POU2F1: variants seen among roughly 807,000 people sequenced by gnomAD.
POU2F1 encodes POU class 2 homeobox 1.
Under a neutral mutation model 84.9 loss-of-function variants are expected in POU2F1, and 16 were observed. That is an observed-to-expected ratio of 0.19 (90% confidence interval 0.13 to 0.29). POU2F1 has a LOEUF of 0.29. Among genes scored for constraint, POU2F1 ranks in the 10% least tolerant of loss-of-function variants. POU2F1 has a pLI of 1.00. For missense variants in POU2F1, 738 were observed against 942.6 expected, an observed-to-expected ratio of 0.78 and a Z score of 2.84; for synonymous variants, 368 against 368.3, an observed-to-expected ratio of 1.00 and a Z score of 0.01.
At chr1:167,407,044 A>G (rs1445378367) in intron 13 of POU2F1, among the ~76,000 whole-genome samples, 1 of 34,284 alleles carries the variant, frequency 2.9e-5, no homozygotes, top group Non-Finnish European at 1.4e-4. Context: ...ATATTTTATT[A>G]TTATTATTAT....
intron 6 of POU2F1, 78 bp from the exon 7 acceptor site, chr1:167,375,951 T>C (rs1660297211): frequency 6.6e-7 from 1 of 1,508,674 alleles, no homozygotes; most frequent in African/African-American, 1.4e-5. Context: ...GTGACAGAAG[T>C]CATCAGCTGG....
At chr1:167,243,163 T>C (rs2102378639) in intron 1 of POU2F1, among the ~76,000 whole-genome samples, 1 of 152,366 alleles carries the variant, frequency 6.6e-6, no homozygotes, top group African/African-American at 2.4e-5. Context: ...TTAAGAATAC[T>C]GGCCTAGGAA....
chr1:167,310,145 A>G (rs1204206609), intron 1 of POU2F1, among the ~76,000 whole-genome samples: 5 of 152,182 alleles, frequency 3.3e-5, no homozygotes, highest in Non-Finnish European at 7.4e-5. Context: ...CAAAATATAA[A>G]TAGCAAATAT....
chr1:167,361,476 A>G (rs1046348072), intron 2 of POU2F1, among the ~76,000 whole-genome samples: 1 of 152,154 alleles, frequency 6.6e-6, no homozygotes, highest in South Asian at 2.1e-4. Context: ...TTAATCACGT[A>G]CTGATTTGTA....
chr1:167,301,172 A>G (rs1654675687), intron 1 of POU2F1, among the ~76,000 whole-genome samples: 1 of 148,998 alleles, frequency 6.7e-6, no homozygotes, highest in South Asian at 2.1e-4. Context: ...TAGACTTTAT[A>G]TTGGTTCTCT....
intron 13 of POU2F1, among the ~76,000 whole-genome samples, chr1:167,406,236 C>G (rs568360710): frequency 2.0e-5 from 3 of 152,074 alleles, no homozygotes; most frequent in Non-Finnish European, 4.4e-5. Context: ...AACTGAACAT[C>G]AATTAATGTA....
intron 1 of POU2F1, among the ~76,000 whole-genome samples, chr1:167,223,158 TTA>T (rs2102317882): frequency 6.6e-6 from 1 of 152,306 alleles, no homozygotes; most frequent in Non-Finnish European, 1.5e-5. Context: ...AAAAATGGGG[TTA>T]TGTTTTCTTT....
chr1:167,415,851 C>A lies in POU2F1; in HGVS notation c.*41C>A. ...GCTGCCAGAAGCCTTTTTCACTCTG[C>A]AGTGTGATTGGACTGCCAGCCAGGT... is the stretch of plus-strand genomic sequence containing the variant. On this transcript the variant is annotated 3_prime_UTR_variant, in exon 16 of 16. Coordinates refer to ENST00000367866, the MANE Select transcript of POU2F1 (RefSeq NM_002697.4). 2 of 1,539,914 alleles carry A rather than the reference C, an allele frequency of 1.3e-6. No individual in the cohort carries two copies. The highest frequency in any genetic ancestry group is 1.8e-6 in the Non-Finnish European group (2 of 1,137,246).
chr1:167,227,830 A>T (rs925427388), intron 1 of POU2F1, among the ~76,000 whole-genome samples: 11 of 152,226 alleles, frequency 7.2e-5, no homozygotes, highest in African/African-American at 2.7e-4. Context: ...AATAGATCAG[A>T]GTGTGTCCAA....
intron 13 of POU2F1, among the ~76,000 whole-genome samples, chr1:167,407,344 A>G (rs1649653387): frequency 6.6e-6 from 1 of 152,204 alleles, no homozygotes; most frequent in Non-Finnish European, 1.5e-5. Flanking sequence ...AGCTTGATTT[A>G]TAGATTCAAC....
chr1:167,311,614 C>T (rs1435936693), intron 1 of POU2F1, among the ~76,000 whole-genome samples: 1 of 151,696 alleles, frequency 6.6e-6, no homozygotes, highest in Non-Finnish European at 1.5e-5. Context: ...ATGATTCTGG[C>T]CCTGTGTAGG....
chr1:167,256,019 C>T (rs1651108983), intron 1 of POU2F1, among the ~76,000 whole-genome samples: 1 of 152,148 alleles, frequency 6.6e-6, no homozygotes, highest in Non-Finnish European at 1.5e-5. Context: ...TACTTTGCTT[C>T]AGGATTCAGG....
intron 15 of POU2F1, among the ~76,000 whole-genome samples, chr1:167,413,718 C>T (rs1650126448): frequency 6.6e-6 from 1 of 152,040 alleles, no homozygotes; most frequent in African/African-American, 2.4e-5. Flanking sequence ...AGCATGTTAC[C>T]CAGGGCAATA....
chr1:167,329,146 G>A (rs1656905207), intron 1 of POU2F1: 4 of 1,391,038 alleles, frequency 2.9e-6, no homozygotes, highest in Admixed American at 2.7e-5. Context: ...TCCACCCTAC[G>A]CAACCCCCCT....
chr1:167,374,143 C>T lies in POU2F1; in HGVS notation c.438C>T (p.Leu146=), dbSNP rs1660176489. Residue 146 remains leucine, a synonymous_variant, in exon 6 of 16, where the codon CTC becomes CTT. Coordinates refer to ENST00000367866, the MANE Select transcript of POU2F1 (RefSeq NM_002697.4). ...TLTPAQQQLL[L]QQAQAQAQLL... ...CGCCTGCCCAGCAACAGTTACTACT[C>T]CAGCAGGCACAGGCACAGGCACAGC... is the stretch of plus-strand genomic sequence containing the variant. 2.5e-6 allele frequency: 4 copies of T among 1,614,112 alleles called. No individual in the cohort carries two copies. The highest frequency in any genetic ancestry group is 1.1e-5 in the South Asian group (1 of 91,054).
At chr1:167,346,036 A>G (rs571933724) in intron 2 of POU2F1, among the ~76,000 whole-genome samples, 2 of 151,580 alleles carry the variant, frequency 1.3e-5, no homozygotes, top group East Asian at 3.9e-4. Context: ...TTAACTGGGC[A>G]TGGTGGCACA....
intron 1 of POU2F1, among the ~76,000 whole-genome samples, chr1:167,270,959 C>G (rs1025428873): frequency 6.6e-6 from 1 of 152,224 alleles, no homozygotes. Flanking sequence ...TCCCCACATA[C>G]AGGGTCACTT....
At chr1:167,387,181 A>T (rs138137737) in intron 8 of POU2F1, 1 of 455,932 alleles carries the variant, frequency 2.2e-6, no homozygotes, top group Non-Finnish European at 4.4e-6. Context: ...CCATTTCTAG[A>T]TCTGGCCCAG....
rs1391011494 is a variant in POU2F1, at chr1:167,421,636, T to G, written c.*5826T>G. On this transcript the variant is annotated 3_prime_UTR_variant, in exon 16 of 16. Transcript: ENST00000367866. ...ATTATGTCACCTGGATCTCCTTTCC[T>G]TCCCTTCTTTTTCTCATTGAATGGT... The G allele has an allele frequency of 6.6e-6, 1 of 152,250 alleles. No homozygotes were observed. The highest frequency in any genetic ancestry group is 2.4e-5 in the African/African-American group (1 of 41,464). 9.4% of individuals were successfully genotyped at this position (152,250 alleles called of 1,614,324 possible).
Sources: gnomAD v4.1 joint callset for allele counts (sites outside exome capture counted in the v4.1 genomes callset) on GRCh38, gnomAD v4.1.1 for gene constraint, MANE v1.5 for transcripts, NCBI Gene and HGNC (gene_info 2026-07-23, HGNC 2026-07-21) for gene names.